Variants in CASP10 observed in about 807,000 individuals in gnomAD.
CASP10 encodes caspase 10, also known as caspase-10.
CASP10 carries 41 observed loss-of-function variants against 48.5 expected under a neutral mutation model. The observed-to-expected ratio is 0.85, with a 90% CI of 0.66 to 1.10. The LOEUF is 1.10. Ranked by LOEUF, CASP10 falls within the 50% of genes least tolerant of loss-of-function variation. The pLI is 0.00. For synonymous variants in CASP10, 232 were observed against 238.4 expected (o/e 0.97, Z 0.25); for missense variants, 614 against 614.5 (o/e 1.00, Z 0.01).
chr2:201,197,867 G>A (rs570329102), intron 5 of CASP10, among the ~76,000 whole-genome samples: 1 of 152,250 alleles, frequency 6.6e-6, no homozygotes, highest in South Asian at 2.1e-4. Flanking sequence ...TTTTGGGTTT[G>A]TATCCATAAG....
chr2:201,218,147 C>T lies in CASP10; in HGVS notation c.*406C>T. ...TTGTTGCACAGGCTGGTTTCAAACT[C>T]CTAGGCCCAAGTGATCCTCCCACCT... On this transcript the variant is annotated 3_prime_UTR_variant, in exon 10 of 10. Coordinates refer to ENST00000286186, the MANE Select transcript of CASP10 (RefSeq NM_032977.4). 1.0e-6 allele frequency: 1 copy of T among 1,003,614 alleles called. No homozygotes were observed. Among genetic ancestry groups the T allele is most frequent in the Non-Finnish European group, 1.2e-6 (1 of 813,254 alleles). The allele number at this position is 1,003,614 out of a possible 1,614,324, so 62.2% of individuals were successfully genotyped here.
rs1182459914 is a variant in CASP10 at position 201,205,912 on chromosome 2, T to C, written c.752T>C (p.Leu251Pro). ...AGAGCCACAAATGGTGCACCAAGCC[T>C]GGTCTCCAGGGGGATGCAAGGAGCA... ...GNRATNGAPS[L>P]VSRGMQGASA... Residue 251 changes from leucine to proline, a missense_variant, in exon 7 of 10, where the codon CTG (leucine) becomes CCG (proline). Leu to Pro is a moderately conservative substitution (Grantham distance 98, BLOSUM62 -3). Coordinates refer to ENST00000286186, the MANE Select transcript of CASP10 (RefSeq NM_032977.4). 6.2e-7 allele frequency: 1 copy of C among 1,613,126 alleles called. No homozygotes were observed. Among genetic ancestry groups the C allele is most frequent in the African/African-American group, 1.3e-5 (1 of 75,034 alleles).
At position 201,209,430 on chromosome 2, in the gene CASP10, A is replaced by G. The variant is rs775030613; in HGVS notation, c.1283A>G (p.Asp428Gly). 7 of 1,614,082 alleles carry G rather than the reference A, an allele frequency of 4.3e-6. No homozygotes were observed. The East Asian group carries it at 1.6e-4, about 36-fold the overall frequency. Reference sequence around the variant, plus strand: ...GAGCAGGCACCCACTTCCCTGCAGGACAGTATTCCTGCCGAGGCTGACTTC... The same window carrying G: ...GAGCAGGCACCCACTTCCCTGCAGGGCAGTATTCCTGCCGAGGCTGACTTC... ...NPEQAPTSLQ[D>G]SIPAEADFLL... The change falls in exon 9 of 10, where the codon GAC becomes GGC. Residue 428 changes from aspartate to glycine, a missense_variant. Transcript: ENST00000286186.
intron 9 of CASP10, among the ~76,000 whole-genome samples, chr2:201,227,245 G>T (rs1945800147): frequency 6.6e-6 from 1 of 152,046 alleles, no homozygotes; most frequent in African/African-American, 2.4e-5. Context: ...CACCAGATTG[G>T]GTGATTTTTT....
At chr2:201,187,664 C>A (rs1944460782) in intron 2 of CASP10, 42 bp from the exon 3 acceptor site, 1 of 1,407,840 alleles carries the variant, frequency 7.1e-7, no homozygotes, top group Non-Finnish European at 1.0e-6. Context: ...GTGTCCTCCA[C>A]AAGTGTAAGG....
intron 9 of CASP10, among the ~76,000 whole-genome samples, chr2:201,211,262 C>T (rs1945385171): frequency 6.6e-6 from 1 of 152,200 alleles, no homozygotes; most frequent in South Asian, 2.1e-4. Flanking sequence ...TATGCTCAAA[C>T]CACAGTGCCC....
At chr2:201,209,677 A>G in intron 9 of CASP10, 115 bp downstream of exon 9, 1 of 1,060,598 alleles carries the variant, frequency 9.4e-7, no homozygotes, top group East Asian at 2.6e-5. Context: ...CTATCCATGT[A>G]CCTGTTCAAC....
In CASP10 at chr2:201,217,904, T is replaced by C; in HGVS notation, c.*163T>C. The C allele has an allele frequency of 7.2e-6, 11 of 1,527,834 alleles. No individual in the cohort carries two copies. Among genetic ancestry groups the C allele is most frequent in the Non-Finnish European group, 9.6e-6 (11 of 1,142,484 alleles). 94.6% of individuals were successfully genotyped at this position (1,527,834 alleles called of 1,614,324 possible). A position where few individuals can be genotyped will look rare whatever the true frequency, so the allele number is the denominator to read the frequency against. On this transcript the variant is annotated 3_prime_UTR_variant, in exon 10 of 10. Transcript: ENST00000286186. ...TCTGATTTTCTTTTTCTTTTGCAAG[T>C]CTAAATGTTAGAAAACTTTCTTTTT...
In CASP10 at chr2:201,185,995, A is replaced by G. The variant is rs1188133887; in HGVS notation, c.218A>G (p.Glu73Gly). 6.2e-7 allele frequency: 1 copy of G among 1,613,870 alleles called. No individual in the cohort carries two copies. Among genetic ancestry groups the G allele is most frequent in the Non-Finnish European group, 8.5e-7 (1 of 1,179,974 alleles). The change falls in exon 2 of 10, where the codon GAG becomes GGG. Residue 73 changes from glutamate (E) to glycine (G), a missense_variant. Physicochemically the swap from Glu to Gly is moderately conservative, Grantham distance 98. Coordinates refer to ENST00000286186, the MANE Select transcript of CASP10 (RefSeq NM_032977.4). ...EHLLAEDLLS[E>G]EDPFFLAELL... ...CTCTTGGCAGAGGATCTGCTGAGTG[A>G]GGAAGACCCTTTCTTCCTGGCAGAA...
chr2:201,200,596 G>C, intron 5 of CASP10: 1 of 1,547,070 alleles, frequency 6.5e-7, no homozygotes. Context: ...CCTGCTCTTC[G>C]GCTCTGCCCT....
rs1295690598 is a variant in CASP10 at position 201,220,207 on chromosome 2, T to A, written c.*2466T>A. 5 of 917,952 alleles carry A rather than the reference T, an allele frequency of 5.4e-6. No homozygotes were observed. Among genetic ancestry groups the A allele is most frequent in the African/African-American group, 1.8e-5 (1 of 55,862 alleles). The allele number at this position is 917,952 out of a possible 1,614,324, so 56.9% of individuals were successfully genotyped here. A position where few individuals can be genotyped will look rare whatever the true frequency, so the allele number is the denominator to read the frequency against. ...TCATCTTAGACAAACACCGCCACTT[T>A]AAGTTCCAGTTCCCTTTCTAGCCTC... is the stretch of plus-strand genomic sequence containing the variant. On this transcript the variant is annotated 3_prime_UTR_variant, in exon 10 of 10. Transcript: ENST00000286186.
chr2:201,204,039 C>T (rs1275131641), intron 6 of CASP10, among the ~76,000 whole-genome samples: 1 of 152,152 alleles, frequency 6.6e-6, no homozygotes, highest in African/African-American at 2.4e-5. Flanking sequence ...CTCCACCCTT[C>T]AGAATTAGGC....
rs13010627 is a variant in CASP10 at position 201,209,375 on chromosome 2, G to A, written c.1228G>A (p.Val410Ile). The A allele has an allele frequency of 0.057, 91,566 of 1,614,048 alleles. 3,002 individuals carry two copies. The highest frequency in any genetic ancestry group is 0.068 in the Non-Finnish European group (79,808 of 1,180,012). Residue 410 changes from valine (V) to isoleucine (I), a missense_variant, in exon 9 of 10, where the codon GTA becomes ATA. Physicochemically the swap from Val to Ile is conservative, Grantham distance 29. Transcript: ENST00000286186. Reference protein sequence around the residue: ...ACQGEEIQPSVSIEADALNPE... With the variant: ...ACQGEEIQPSISIEADALNPE... ...CCAAGGTGAAGAGATACAGCCTTCC[G>A]TATCCATCGAAGCAGATGCTCTGAA...
chr2:201,226,297 ACT>A (rs1414204449), downstream of CASP10, among the ~76,000 whole-genome samples: 1 of 152,120 alleles, frequency 6.6e-6, no homozygotes, highest in East Asian at 1.9e-4. Flanking sequence ...AACATTTAAA[ACT>A]CTGTCAGTAC....
In CASP10 at chr2:201,203,849, G is replaced by A. The variant is rs41433252; in HGVS notation, c.721+83G>A. 821 of 1,101,938 alleles carry A rather than the reference G, an allele frequency of 7.5e-4. 6 individuals are homozygous for A. The African/African-American group carries it at 0.011, about 15-fold the overall frequency. 68.3% of individuals were successfully genotyped at this position (1,101,938 alleles called of 1,614,324 possible). A position where few individuals can be genotyped will look rare whatever the true frequency, so the allele number is the denominator to read the frequency against. On this transcript the variant is annotated intron_variant, in intron 6 of 9. Transcript: ENST00000286186. ...TTTGATATATACCAAGGAATTCAAG[G>A]TGACTTGGAAGAGAAGCTTTATAAA...
At chr2:201,222,452 AGT>A (rs1945737905), downstream of CASP10, among the ~76,000 whole-genome samples, 1 of 152,130 alleles carries the variant, frequency 6.6e-6, no homozygotes, top group African/African-American at 2.4e-5. Context: ...CCTGACCTCA[AGT>A]GATCTGCCCA....
intron 5 of CASP10, chr2:201,200,383 C>T (rs1944971151): frequency 4.7e-6 from 7 of 1,477,010 alleles, no homozygotes; most frequent in South Asian, 1.1e-5. Context: ...GTATTCTCTC[C>T]ACATTCGTAA....
At chr2:201,229,353 A>T (rs1407937326) in exon 10 of CASP10, 3 of 516,934 alleles carry the variant, frequency 5.8e-6, no homozygotes, top group Non-Finnish European at 1.0e-5. Flanking sequence ...AACAATTTAA[A>T]CAAATGGTCC....
chr2:201,225,346 A>G (rs1322674576), downstream of CASP10, among the ~76,000 whole-genome samples: 2 of 152,094 alleles, frequency 1.3e-5, no homozygotes, highest in Non-Finnish European at 2.9e-5. Context: ...TTGTCCTCCA[A>G]ATTTGTACTG....
Sources: gnomAD v4.1 joint callset for allele counts (sites outside exome capture counted in the v4.1 genomes callset) on GRCh38, gnomAD v4.1.1 for gene constraint, MANE v1.5 for transcripts, NCBI Gene and HGNC (gene_info 2026-07-23, HGNC 2026-07-21) for gene names.